ZNF343: variants seen among roughly 807,000 people sequenced by gnomAD.
ZNF343 encodes the protein zinc finger protein 343.
ZNF343 carries 11 observed loss-of-function variants against 13.8 expected under a neutral mutation model. The ratio of observed to expected loss-of-function variants is 0.80; its 90% confidence interval spans 0.50 to 1.32. ZNF343 has a LOEUF of 1.32. ZNF343 is among the 40% of genes most tolerant of loss of function. The pLI is 0.00. For synonymous variants in ZNF343, 248 were observed against 260.0 expected (o/e 0.95, Z 0.44); for missense variants, 658 against 714.2 (o/e 0.92, Z 0.90).
At chr20:2,506,500 G>A (rs2085659402) in intron 1 of ZNF343, among the ~76,000 whole-genome samples, 1 of 152,114 alleles carries the variant, frequency 6.6e-6, no homozygotes, top group African/African-American at 2.4e-5. Flanking sequence ...GCACACGTAT[G>A]TTTATTGCGG....
chr20:2,516,804 A>G (rs1286835465), intron 1 of ZNF343, among the ~76,000 whole-genome samples: 2 of 152,018 alleles, frequency 1.3e-5, no homozygotes, highest in Non-Finnish European at 2.9e-5. Context: ...TTATGATCAC[A>G]TTGAGGGTCA....
Position 2,483,784 on chromosome 20 carries a change from T to C in ZNF343, c.1177A>G (p.Lys393Glu), listed in dbSNP as rs1424332632. 1 of 1,614,096 alleles carries C rather than the reference T, an allele frequency of 6.2e-7. No individual in the cohort carries two copies. The highest frequency in any genetic ancestry group is 2.2e-5 in the East Asian group (1 of 44,882). The change falls in exon 6 of 6, where the codon AAG becomes GAG. Residue 393 changes from lysine (K) to glutamate (E), a missense_variant. Transcript: ENST00000278772. The part of the protein sequence containing the change: ...CLECGRSFCD[K>E]STLRKHQRIH... ...CTCTGGTGTTTTCTGAGGGTTGACT[T>C]ATCACAAAAGCTTCGTCCACACTCC...
upstream of ZNF343, among the ~76,000 whole-genome samples, chr20:2,512,919 CAAAAAAAAA>C (rs71193970): frequency 4.0e-5 from 5 of 125,356 alleles, no homozygotes; most frequent in South Asian, 2.5e-4. Context: ...ATTTCTCTAC[CAAAAAAAAA>C]AAAAAAAAAA....
rs544718634 is a variant in ZNF343, at chr20:2,518,650, C to T, written c.-347+5805G>A. 3.6e-3 allele frequency among the ~76,000 whole-genome samples: 541 copies of T among 152,160 alleles called. 6 individuals are homozygous for T. Among genetic ancestry groups the T allele is most frequent in the African/African-American group, 0.012 (507 of 41,506 alleles). Reference sequence around the variant, plus strand: ...TTCCAACATACCACATGCTCTCAGCCCCGTGTCCACTTCCCTACACCACTT... The same window carrying T: ...TTCCAACATACCACATGCTCTCAGCTCCGTGTCCACTTCCCTACACCACTT... On this transcript the variant is annotated intron_variant, in intron 1 of 6. Transcript: ENST00000358413. The surrounding 1 kb of genome is among the most constrained non-coding windows in gnomAD (Gnocchi z 4.6).
chr20:2,492,869 T>G (rs1317880263), intron 4 of ZNF343, 44 bp from the exon 5 acceptor site: 2 of 1,606,508 alleles, frequency 1.2e-6, no homozygotes, highest in African/African-American at 2.7e-5. Flanking sequence ...CCACCATCAA[T>G]CTTCCCTGTG....
intron 2 of ZNF343, among the ~76,000 whole-genome samples, chr20:2,498,944 A>C (rs1190323212): frequency 6.6e-6 from 1 of 152,094 alleles, no homozygotes; most frequent in Non-Finnish European, 1.5e-5. Context: ...GGCTCAAGCC[A>C]TCCTCCCATC....
intron 1 of ZNF343, among the ~76,000 whole-genome samples, chr20:2,507,696 T>C (rs1001173781): frequency 6.6e-6 from 1 of 152,108 alleles, no homozygotes; most frequent in Non-Finnish European, 1.5e-5. Context: ...TCAAAGTGTA[T>C]CCACACATAG....
At chr20:2,504,462 C>T (rs1157897500) in intron 1 of ZNF343, among the ~76,000 whole-genome samples, 3 of 152,188 alleles carry the variant, frequency 2.0e-5, no homozygotes, top group African/African-American at 7.2e-5. Flanking sequence ...AGGCCAGCAT[C>T]ATCCTGATAC....
intron 1 of ZNF343, among the ~76,000 whole-genome samples, chr20:2,503,215 C>T (rs4353715): frequency 6.6e-6 from 1 of 151,524 alleles, no homozygotes; most frequent in Non-Finnish European, 1.5e-5. Context: ...AGAGACAAGA[C>T]CATTACATAA....
Position 2,482,991 on chromosome 20 carries a change from T to C in ZNF343, c.*170A>G, listed in dbSNP as rs2085191283. On this transcript the variant is annotated 3_prime_UTR_variant, in exon 6 of 6. Transcript: ENST00000278772. Reference sequence around the variant, plus strand: ...CCGTACTCTATACTCATAAGGCTCCTCTCCTGAACGTGTCCCTCCCATGCC... The same window carrying C: ...CCGTACTCTATACTCATAAGGCTCCCCTCCTGAACGTGTCCCTCCCATGCC... The C allele has an allele frequency of 5.2e-6, 4 of 771,410 alleles. No individual in the cohort carries two copies. The highest frequency in any genetic ancestry group is 8.1e-6 in the Non-Finnish European group (4 of 491,360). 47.8% of individuals were successfully genotyped at this position (771,410 alleles called of 1,614,324 possible).
intron 4 of ZNF343, 71 bp downstream of exon 4, chr20:2,493,448 A>T: frequency 7.1e-7 from 1 of 1,408,966 alleles, no homozygotes; most frequent in South Asian, 1.2e-5. Flanking sequence ...CCCAAGAAAG[A>T]GAATATATGT....
rs1300543399 is a variant in ZNF343, at chr20:2,493,903, G to C, written c.-8C>G. The C allele has an allele frequency of 1.9e-6, 3 of 1,589,778 alleles. No homozygotes were observed. Among genetic ancestry groups the C allele is most frequent in the Non-Finnish European group, 2.6e-6 (3 of 1,157,806 alleles). ...AGGATAAGGCAACATCATGGCGCCA[G>C]AGTCAGCCCAGTGTGTGCCTTGAAA... On this transcript the variant is annotated 5_prime_UTR_variant, in exon 3 of 6. Coordinates refer to ENST00000278772, the MANE Select transcript of ZNF343 (RefSeq NM_024325.6).
chr20:2,515,342 T>A (rs2085754885), intron 1 of ZNF343, among the ~76,000 whole-genome samples: 1 of 152,188 alleles, frequency 6.6e-6, no homozygotes, highest in Non-Finnish European at 1.5e-5. Flanking sequence ...ACATTAAGAA[T>A]CCCATATTGT....
At chr20:2,520,598 C>CTTATT (rs918885160) in intron 1 of ZNF343, among the ~76,000 whole-genome samples, 19 of 152,238 alleles carry the variant, frequency 1.2e-4, no homozygotes, top group South Asian at 4.1e-4. Context: ...TAATATACTG[C>CTTATT]TTATTTTATT....
chr20:2,498,833 G>T (rs1048539898), intron 2 of ZNF343, among the ~76,000 whole-genome samples: 4 of 152,196 alleles, frequency 2.6e-5, no homozygotes, highest in African/African-American at 9.6e-5. Context: ...GCTAATGTGC[G>T]GTGAAGACAG....
At chr20:2,501,523 G>A (rs889700421) in intron 1 of ZNF343, among the ~76,000 whole-genome samples, 1 of 152,228 alleles carries the variant, frequency 6.6e-6, no homozygotes, top group African/African-American at 2.4e-5. Flanking sequence ...CCTCAGGTGG[G>A]TCCCTGACCC....
chr20:2,506,096 A>C (rs1600075534), intron 1 of ZNF343, among the ~76,000 whole-genome samples: 1 of 152,258 alleles, frequency 6.6e-6, no homozygotes, highest in Non-Finnish European at 1.5e-5. Context: ...ACAAATTTAC[A>C]AGAAAAAAAC....
chr20:2,502,884 C>A (rs1386074933), intron 1 of ZNF343, among the ~76,000 whole-genome samples: 1 of 152,164 alleles, frequency 6.6e-6, no homozygotes, highest in Non-Finnish European at 1.5e-5. Context: ...ACCATTGAGG[C>A]TAGGAAGAAA....
In ZNF343 at chr20:2,483,345, T is replaced by G; in HGVS notation, c.1616A>C (p.His539Pro). Residue 539 changes from histidine (H) to proline (P), a missense_variant, in exon 6 of 6, where the codon CAT becomes CCT. Transcript: ENST00000278772. ...GFCDKSTLIV[H>P]ERTHSGEKPY... The stretch of plus-strand genomic sequence containing the variant: ...CTTCTCTCCTGAGTGTGTCCTCTCA[T>G]GTACAATGAGGGTTGACTTGTCACA... 1 of 1,611,880 alleles carries G rather than the reference T, an allele frequency of 6.2e-7. No individual in the cohort carries two copies.
Sources: allele counts gnomAD v4.1 joint callset (sites outside exome capture counted in the v4.1 genomes callset), GRCh38; gene constraint gnomAD v4.1.1; non-coding constraint Gnocchi (gnomAD v3.1); transcripts MANE v1.5; gene names NCBI Gene and HGNC (gene_info 2026-07-23, HGNC 2026-07-21).